Variants in GH2 observed in about 807,000 individuals in gnomAD.
The protein encoded by GH2 is growth hormone variant.
In GH2, 17 loss-of-function variants were observed where a neutral mutation model predicts 24.1. That is an observed-to-expected ratio of 0.71 (90% confidence interval 0.48 to 1.06). The LOEUF is 1.06. Ranked by LOEUF, GH2 falls within the 50% of genes least tolerant of loss-of-function variation. The pLI is 0.00. For missense variants in GH2, 305 were observed against 273.1 expected (o/e 1.12, Z -0.82); for synonymous variants, 126 against 118.7 (o/e 1.06, Z -0.40).
At chr17:63,880,695 G>C (rs1567779021) in intron 4 of GH2, 77 bp downstream of exon 4, 18 of 1,614,088 alleles carry the variant, frequency 1.1e-5, no homozygotes, top group Non-Finnish European at 1.4e-5. Context: ...GCTAAAAAGA[G>C]GGCAGCAGTG....
rs141992223 is a variant in GH2, at chr17:63,881,141, G to A, written c.179C>T (p.Ala60Val). 3 of 1,613,960 alleles carry A rather than the reference G, an allele frequency of 1.9e-6. No homozygotes were observed. Among genetic ancestry groups the A allele is most frequent in the South Asian group, 1.1e-5 (1 of 91,084 alleles). Residue 60 changes from alanine (A) to valine (V), a missense_variant, in exon 3 of 5, where the codon GCC becomes GTC. Physicochemically the swap from Ala to Val is moderately conservative, Grantham distance 64 (BLOSUM62 0). Coordinates refer to ENST00000423893, the MANE Select transcript of GH2 (RefSeq NM_002059.5). The stretch of plus-strand genomic sequence containing the variant: ...ATACTTCTGCTCCTTCAGGATATAG[G>A]CTTCTTCCTAGGAGAAGGACCGCCC... ...AYDTYQEFEE[A>V]YILKEQKYSF... is the part of the protein sequence containing the mutation.
chr17:63,881,374 G>A lies in GH2; in HGVS notation c.156C>T (p.Asp52=). ...RARRLYQLAY[D]TYQEFEEAYI... ...AAGAGCTTACAAACTCCTGATAGGT[G>A]TCATATGCCAGCTGGTACAGGCGAC... Residue 52 remains aspartate (D), a synonymous_variant, in exon 2 of 5, where the codon GAC becomes GAT. Transcript: ENST00000423893. 1 of 1,614,090 alleles carries A rather than the reference G, an allele frequency of 6.2e-7. No homozygotes were observed.
In GH2 at chr17:63,880,655, C is replaced by A. The variant is rs149856185; in HGVS notation, c.456+117G>T. On this transcript the variant is annotated intron_variant, in intron 4 of 4. Coordinates refer to ENST00000423893, the MANE Select transcript of GH2 (RefSeq NM_002059.5). ...GATTCACGAGGGGAAATGAAGAATA[C>A]GGTGAGTTCTCTTGGGTCAGCGCCT... 1.3e-4 allele frequency: 207 copies of A among 1,614,036 alleles called. 1 individual carries two copies. Among genetic ancestry groups the A allele is most frequent in the African/African-American group, 4.3e-4 (32 of 75,026 alleles).
At position 63,881,290 on chromosome 17, in the gene GH2, T is replaced by G. The variant is rs1905507157; in HGVS notation, c.171+69A>C. On this transcript the variant is annotated intron_variant, in intron 2 of 4. Transcript: ENST00000423893. ...CCTGAGCTCCTTAGTCTCCTCCCAT[T>G]ACTTCCCAGCGGGGGAAAGTCACCC... 1.7e-5 allele frequency: 28 copies of G among 1,610,854 alleles called. No homozygotes were observed. In the South Asian group the frequency reaches 3.0e-4, roughly 17 times the overall value.
intron 1 of GH2, 27 bp from the exon 2 acceptor site, chr17:63,881,546 G>C (rs373721423): frequency 6.8e-5 from 109 of 1,613,482 alleles, no homozygotes; most frequent in Non-Finnish European, 9.0e-5. Flanking sequence ...GGGCAACAGA[G>C]GGAGCTGGAG....
In GH2 at chr17:63,881,098, G is replaced by T. The variant is rs763879722; in HGVS notation, c.222C>A (p.Pro74=). The part of the protein sequence containing the change: ...KEQKYSFLQN[P]QTSLCFSESI... ...ACTCTGAGAAGCAGAGGGAGGTCTG[G>T]GGGTTCTGCAGGAATGAATACTTCT... The change falls in exon 3 of 5, where the codon CCC becomes CCA. Residue 74 remains proline, a synonymous_variant. Transcript: ENST00000423893. 1.7e-5 allele frequency: 28 copies of T among 1,614,110 alleles called. No individual in the cohort carries two copies. The highest frequency in any genetic ancestry group is 2.4e-5 in the Non-Finnish European group (28 of 1,179,954).
rs752124297 is a variant in GH2 at position 63,880,831 on chromosome 17, C to G, written c.397G>C (p.Asp133His). Residue 133 changes from aspartate to histidine, a missense_variant, in exon 4 of 5, where the codon GAC becomes CAC. Asp to His is a moderately conservative substitution (Grantham distance 81). Transcript: ENST00000423893. ...FANSLVYGAS[D>H]SNVYRHLKDL... ...TTCAGGTGGCGATAGACGTTGCTGT[C>G]CGAGGCGCCATACACCAGGCTGTTG... 5.6e-5 allele frequency: 90 copies of G among 1,613,956 alleles called. No homozygotes were observed. Among genetic ancestry groups the G allele is most frequent in the Non-Finnish European group, 7.1e-5 (84 of 1,179,938 alleles).
chr17:63,880,678 C>T (rs763468257), intron 4 of GH2, 94 bp downstream of exon 4: 4 of 1,614,058 alleles, frequency 2.5e-6, no homozygotes, highest in South Asian at 2.2e-5. Flanking sequence ...TGGGTCAGCG[C>T]CTGACTGCTA....
Position 63,881,881 on chromosome 17 carries a change from G to A in GH2, c.-80C>T. ...GGGATCCTTGAGCTGGTCTCTTGTG[G>A]GCCCTTTTTATACCTGGCCCCTTCT... On this transcript the variant is annotated 5_prime_UTR_variant, in exon 1 of 5. Coordinates refer to ENST00000423893, the MANE Select transcript of GH2 (RefSeq NM_002059.5). The A allele has an allele frequency of 2.5e-6, 4 of 1,613,488 alleles. No individual in the cohort carries two copies. The South Asian group carries it at 4.4e-5, about 18-fold the overall frequency.
Position 63,881,454 on chromosome 17 carries a change from C to T in GH2, c.76G>A (p.Ala26Thr), listed in dbSNP as rs149594724. 5 of 1,613,926 alleles carry T rather than the reference C, an allele frequency of 3.1e-6. No individual in the cohort carries two copies. The African/African-American group carries it at 5.3e-5, about 17-fold the overall frequency. ...CTGGATAAGGGAATGGTTGGGAAGG[C>T]ACTGCCCTCTTGAAGCCAGGACAGG... ...LCLSWLQEGS[A>T]FPTIPLSRLF... The change falls in exon 2 of 5, where the codon GCC becomes ACC. Residue 26 changes from alanine (A) to threonine (T), a missense_variant. Transcript: ENST00000423893.
At position 63,880,290 on chromosome 17, in the gene GH2, G is replaced by C; in HGVS notation, c.*31C>G. On this transcript the variant is annotated 3_prime_UTR_variant, in exon 5 of 5. Transcript: ENST00000423893. The stretch of plus-strand genomic sequence containing the variant: ...CCTTCCACGACCAGGAGAGGCACTG[G>C]GGAGGGGTCACAGGGATGCCACCCG... 1 of 1,613,778 alleles carries C rather than the reference G, an allele frequency of 6.2e-7. No homozygotes were observed. The highest frequency in any genetic ancestry group is 8.5e-7 in the Non-Finnish European group (1 of 1,179,796).
chr17:63,881,598 T>C (rs1360148247), intron 1 of GH2, 79 bp from the exon 2 acceptor site: 1 of 1,578,498 alleles, frequency 6.3e-7, no homozygotes, highest in Non-Finnish European at 8.5e-7. Flanking sequence ...AGCTGGGTTT[T>C]TTTTTTTCTC....
In GH2 at chr17:63,881,399, C is replaced by G; in HGVS notation, c.131G>C (p.Arg44Pro). Residue 44 changes from arginine to proline, a missense_variant, in exon 2 of 5, where the codon CGT becomes CCT. By Grantham distance (103) the Arg-to-Pro change is moderately radical (BLOSUM62 -2). Transcript: ENST00000423893. ...RLFDNAMLRA[R>P]RLYQLAYDTY... ...GTCATATGCCAGCTGGTACAGGCGA[C>G]GGGCGCGGAGCATAGCGTTGTCAAA... 1 of 1,614,050 alleles carries G rather than the reference C, an allele frequency of 6.2e-7. No homozygotes were observed. Among genetic ancestry groups the G allele is most frequent in the South Asian group, 1.1e-5 (1 of 91,080 alleles).
chr17:63,881,234 A>C, intron 2 of GH2, 86 bp from the exon 3 acceptor site: 2 of 1,611,798 alleles, frequency 1.2e-6, no homozygotes, highest in Non-Finnish European at 1.7e-6. Context: ...GCGTATGCTC[A>C]TCTGCCTGCA....
intron 3 of GH2, 32 bp downstream of exon 3, chr17:63,880,997 C>T: frequency 6.2e-7 from 1 of 1,614,104 alleles, no homozygotes; most frequent in South Asian, 1.1e-5. Context: ...AGGTCTACCC[C>T]ATCCCCACCT....
At chr17:63,881,768 C>T in intron 1 of GH2, 24 bp downstream of exon 1, 1 of 1,612,776 alleles carries the variant, frequency 6.2e-7, no homozygotes, top group South Asian at 1.1e-5. Context: ...ACATTGTGCC[C>T]AAAGGGATTT....
At position 63,880,867 on chromosome 17, in the gene GH2, T is replaced by A; in HGVS notation, c.361A>T (p.Ser121Cys). Reference protein sequence around the residue: ...SWLEPVQLLRSVFANSLVYGA... With the variant: ...SWLEPVQLLRCVFANSLVYGA... ...TACACCAGGCTGTTGGCGAAGACGC[T>A]CCTGAGGAGCTGCACGGGCTCCAGC... The change falls in exon 4 of 5, where the codon AGC becomes TGC. Residue 121 changes from serine to cysteine, a missense_variant. By Grantham distance (112) the Ser-to-Cys change is moderately radical. Transcript: ENST00000423893. 6.2e-7 allele frequency: 1 copy of A among 1,614,044 alleles called. No individual in the cohort carries two copies.
intron 1 of GH2, 130 bp downstream of exon 1, chr17:63,881,662 A>AT (rs1905545371): frequency 3.7e-6 from 6 of 1,607,698 alleles, no homozygotes; most frequent in East Asian, 2.2e-5. Context: ...TTGGCCAAAT[A>AT]CTGGGCTTAG....
In GH2 at chr17:63,881,446, T is replaced by G; in HGVS notation, c.84A>C (p.Pro28=). The G allele has an allele frequency of 6.2e-7, 1 of 1,613,956 alleles. No homozygotes were observed. Among genetic ancestry groups the G allele is most frequent in the Non-Finnish European group, 8.5e-7 (1 of 1,179,924 alleles). The change falls in exon 2 of 5, where the codon CCA becomes CCC. Residue 28 remains proline (P), a synonymous_variant. Coordinates refer to ENST00000423893, the MANE Select transcript of GH2 (RefSeq NM_002059.5). The part of the protein sequence containing the change: ...LSWLQEGSAF[P]TIPLSRLFDN... The stretch of plus-strand genomic sequence containing the variant: ...CAAAAAGCCTGGATAAGGGAATGGT[T>G]GGGAAGGCACTGCCCTCTTGAAGCC...
Sources: allele counts gnomAD v4.1 joint callset, GRCh38; gene constraint gnomAD v4.1.1; transcripts MANE v1.5; gene names NCBI Gene and HGNC (gene_info 2026-07-23, HGNC 2026-07-21).